The following C10orf62 variants were observed in gnomAD, a reference collection of about 807,000 sequenced individuals.
C10orf62 encodes the protein chromosome 10 open reading frame 62.
For missense variants in C10orf62, 279 were observed against 281.9 expected (o/e 0.99, Z 0.07); for synonymous variants, 94 against 109.7 (o/e 0.86, Z 0.89).
rs1410995494 is a variant in C10orf62 at position 97,590,164 on chromosome 10, G to T, written c.267G>T (p.Leu89=). Reference sequence around the variant, plus strand: ...GGCACGGAGAAGTGGGCTCCGCTCTGCACCGGGAATCCTTCACCAGCAGGC... The same window carrying T: ...GGCACGGAGAAGTGGGCTCCGCTCTTCACCGGGAATCCTTCACCAGCAGGC... ...TTRHGEVGSA[L]HRESFTSRQK... Residue 89 remains leucine, a synonymous_variant, in exon 1 of 1, where the codon CTG becomes CTT. Coordinates refer to ENST00000370640, the MANE Select transcript of C10orf62 (RefSeq NM_001009997.3). 1 of 1,613,956 alleles carries T rather than the reference G, an allele frequency of 6.2e-7. No homozygotes were observed. Among genetic ancestry groups the T allele is most frequent in the African/African-American group, 1.3e-5 (1 of 74,894 alleles).
chr10:97,590,018 C>T lies in C10orf62; in HGVS notation c.121C>T (p.Arg41Cys), dbSNP rs748519578. 67 of 1,614,048 alleles carry T rather than the reference C, an allele frequency of 4.2e-5. No homozygotes were observed. The highest frequency in any genetic ancestry group is 4.9e-5 in the Non-Finnish European group (58 of 1,180,030). The change falls in exon 1 of 1, where the codon CGC becomes TGC. Residue 41 changes from arginine to cysteine, a missense_variant. Arg to Cys is a radical substitution (Grantham distance 180, BLOSUM62 -3). Transcript: ENST00000370640. ...AAGCTGGATTAAATCCCACTTTAGCCGCCTTTCCGAAGAGAAGCTGGCCCT... is the reference window on the plus strand; with the variant it reads ...AAGCTGGATTAAATCCCACTTTAGCTGCCTTTCCGAAGAGAAGCTGGCCCT... ...NESWIKSHFS[R>C]LSEEKLALDN... is the part of the protein sequence containing the mutation.
chr10:97,589,854 A>C lies in C10orf62; in HGVS notation c.-44A>C, dbSNP rs369324110. On this transcript the variant is annotated 5_prime_UTR_variant, in exon 1 of 1. Transcript: ENST00000370640. ...GAGCTCATCCAGCAGCCATCATGCA[A>C]GGTGGTGCTGGGGACTGCCCTCTTG... The C allele has an allele frequency of 6.8e-7, 1 of 1,479,436 alleles. No individual in the cohort carries two copies. The highest frequency in any genetic ancestry group is 9.3e-7 in the Non-Finnish European group (1 of 1,069,756). 91.6% of individuals were successfully genotyped at this position (1,479,436 alleles called of 1,614,324 possible). A position where few individuals can be genotyped will look rare whatever the true frequency, so the allele number is the denominator to read the frequency against.
Position 97,590,000 on chromosome 10 carries a change from A to T in C10orf62, c.103A>T (p.Ile35Phe). The T allele has an allele frequency of 1.2e-6, 2 of 1,614,176 alleles. No homozygotes were observed. Among genetic ancestry groups the T allele is most frequent in the Non-Finnish European group, 1.7e-6 (2 of 1,180,028 alleles). Residue 35 changes from isoleucine to phenylalanine, a missense_variant, in exon 1 of 1, where the codon ATT becomes TTT. Ile to Phe is a conservative substitution (Grantham distance 21). Coordinates refer to ENST00000370640, the MANE Select transcript of C10orf62 (RefSeq NM_001009997.3). Reference sequence around the variant, plus strand: ...CCATAAAGCAAAGAATGAAAGCTGGATTAAATCCCACTTTAGCCGCCTTTC... The same window carrying T: ...CCATAAAGCAAAGAATGAAAGCTGGTTTAAATCCCACTTTAGCCGCCTTTC... Reference protein sequence around the residue: ...ESHKAKNESWIKSHFSRLSEE... With the variant: ...ESHKAKNESWFKSHFSRLSEE...
In C10orf62 at chr10:97,590,176, C is replaced by G. The variant is rs764976061; in HGVS notation, c.279C>G (p.Ser93=). The G allele has an allele frequency of 1.9e-6, 3 of 1,614,064 alleles. No homozygotes were observed. In the South Asian group the frequency reaches 3.3e-5, roughly 18 times the overall value. ...TGGGCTCCGCTCTGCACCGGGAATC[C>G]TTCACCAGCAGGCAGAAGACATCTG... ...GEVGSALHRE[S]FTSRQKTSGP... The change falls in exon 1 of 1, where the codon TCC becomes TCG. Residue 93 remains serine (S), a synonymous_variant. Coordinates refer to ENST00000370640, the MANE Select transcript of C10orf62 (RefSeq NM_001009997.3).
In C10orf62 at chr10:97,590,291, A is replaced by G. The variant is rs1233112133; in HGVS notation, c.394A>G (p.Lys132Glu). The G allele has an allele frequency of 2.9e-5, 46 of 1,613,666 alleles. No homozygotes were observed. Among genetic ancestry groups the G allele is most frequent in the Non-Finnish European group, 3.9e-5 (46 of 1,180,002 alleles). Residue 132 changes from lysine (K) to glutamate (E), a missense_variant, in exon 1 of 1, where the codon AAG (lysine) becomes GAG (glutamate). Physicochemically the swap from Lys to Glu is moderately conservative, Grantham distance 56. Coordinates refer to ENST00000370640, the MANE Select transcript of C10orf62 (RefSeq NM_001009997.3). ...ATWAAVAACT[K>E]EIDTQGRHLA... Reference sequence around the variant, plus strand: ...GTGGGCCGCTGTGGCTGCCTGCACCAAGGAGATTGACACCCAGGGGCGGCA... The same window carrying G: ...GTGGGCCGCTGTGGCTGCCTGCACCGAGGAGATTGACACCCAGGGGCGGCA...
chr10:97,590,373 A>G lies in C10orf62; in HGVS notation c.476A>G (p.Glu159Gly). ...GCTTACCAGCACTCAGGTCACCTAG[A>G]GTCCAAGGACATCAACCAGGAGGAG... is the stretch of plus-strand genomic sequence containing the variant. The part of the protein sequence containing the change: ...AIAYQHSGHL[E>G]SKDINQEELR... The change falls in exon 1 of 1, where the codon GAG becomes GGG. Residue 159 changes from glutamate to glycine, a missense_variant. Physicochemically the swap from Glu to Gly is moderately conservative, Grantham distance 98. Transcript: ENST00000370640. 6.2e-7 allele frequency: 1 copy of G among 1,614,130 alleles called. No individual in the cohort carries two copies. The highest frequency in any genetic ancestry group is 1.1e-5 in the South Asian group (1 of 91,080).
Position 97,590,633 on chromosome 10 carries a change from GCT to G in C10orf62, c.*66_*67del, listed in dbSNP as rs1205821048. The G allele has an allele frequency of 2.8e-5, 43 of 1,512,716 alleles. No homozygotes were observed. The highest frequency in any genetic ancestry group is 3.7e-5 in the Non-Finnish European group (41 of 1,104,338). 93.7% of individuals were successfully genotyped at this position (1,512,716 alleles called of 1,614,324 possible). A position where few individuals can be genotyped will look rare whatever the true frequency, so the allele number is the denominator to read the frequency against. On this transcript the variant is annotated 3_prime_UTR_variant, in exon 1 of 1. Coordinates refer to ENST00000370640, the MANE Select transcript of C10orf62 (RefSeq NM_001009997.3). The stretch of plus-strand genomic sequence containing the variant: ...GACGCCCCTGCCCCCAGCAAGGCTG[GCT>G]CACACACACGTCTGTTTTCTCTCCT...
At position 97,590,099 on chromosome 10, in the gene C10orf62, GAGGTC is replaced by G. The variant is rs1564755367; in HGVS notation, c.205_209del (p.Val69LeufsTer50). ...TACCCAGACTGAGAGTGGGAGTGAA[GAGGTC>G]AGCTCCACGGTTCACATAGAGACCT... On this transcript the variant is annotated frameshift_variant, in exon 1 of 1. Transcript: ENST00000370640. LOFTEE classifies it low-confidence loss of function (END_TRUNC). 6.2e-7 allele frequency: 1 copy of G among 1,614,152 alleles called. No homozygotes were observed. Among genetic ancestry groups the G allele is most frequent in the Non-Finnish European group, 8.5e-7 (1 of 1,180,026 alleles).
chr10:97,590,351 T>C lies in C10orf62; in HGVS notation c.454T>C (p.Tyr152His). Residue 152 changes from tyrosine to histidine, a missense_variant, in exon 1 of 1, where the codon TAC becomes CAC. Transcript: ENST00000370640. The part of the protein sequence containing the change: ...AHSMLQRAIA[Y>H]QHSGHLESKD... ...CTCCATGCTGCAGCGGGCCATAGCT[T>C]ACCAGCACTCAGGTCACCTAGAGTC... The C allele has an allele frequency of 6.2e-7, 1 of 1,613,982 alleles. No homozygotes were observed. The highest frequency in any genetic ancestry group is 8.5e-7 in the Non-Finnish European group (1 of 1,180,000).
In C10orf62 at chr10:97,589,894, T is replaced by C. The variant is rs762003725; in HGVS notation, c.-4T>C. On this transcript the variant is annotated 5_prime_UTR_variant, in exon 1 of 1. Transcript: ENST00000370640. ...CTGCCCTCTTGCTAGGAGGTGGAGG[T>C]CTCATGCTGTGGGTTCAGAGAAAGA... 1 of 1,609,200 alleles carries C rather than the reference T, an allele frequency of 6.2e-7. No individual in the cohort carries two copies. The highest frequency in any genetic ancestry group is 8.5e-7 in the Non-Finnish European group (1 of 1,176,632).
In C10orf62 at chr10:97,590,114, G is replaced by A. The variant is rs1446855247; in HGVS notation, c.217G>A (p.Val73Ile). ...ESGSEEVSST[V>I]HIETFTTRHG... ...TGGGAGTGAAGAGGTCAGCTCCACG[G>A]TTCACATAGAGACCTTCACCACGAG... Residue 73 changes from valine to isoleucine, a missense_variant, in exon 1 of 1, where the codon GTT (valine) becomes ATT (isoleucine). Physicochemically the swap from Val to Ile is conservative, Grantham distance 29. Transcript: ENST00000370640. 1 of 1,614,154 alleles carries A rather than the reference G, an allele frequency of 6.2e-7. No individual in the cohort carries two copies. The highest frequency in any genetic ancestry group is 8.5e-7 in the Non-Finnish European group (1 of 1,180,024).
rs571122786 is a variant in C10orf62 at position 97,590,611 on chromosome 10, G to T, written c.*42G>T. ...AAGCCACCTAACCATGGATGGAGAC[G>T]CCCCTGCCCCCAGCAAGGCTGGCTC... is the stretch of plus-strand genomic sequence containing the variant. On this transcript the variant is annotated 3_prime_UTR_variant, in exon 1 of 1. Coordinates refer to ENST00000370640, the MANE Select transcript of C10orf62 (RefSeq NM_001009997.3). 1.3e-6 allele frequency: 2 copies of T among 1,578,196 alleles called. No homozygotes were observed. The highest frequency in any genetic ancestry group is 1.3e-5 in the African/African-American group (1 of 74,132).
Position 97,590,056 on chromosome 10 carries a change from C to T in C10orf62, c.159C>T (p.Ala53=). 1 of 1,614,146 alleles carries T rather than the reference C, an allele frequency of 6.2e-7. No homozygotes were observed. The highest frequency in any genetic ancestry group is 8.5e-7 in the Non-Finnish European group (1 of 1,180,020). Residue 53 remains alanine (A), a synonymous_variant, in exon 1 of 1, where the codon GCC becomes GCT. Coordinates refer to ENST00000370640, the MANE Select transcript of C10orf62 (RefSeq NM_001009997.3). The part of the protein sequence containing the change: ...SEEKLALDNN[A]SASGNATQTE... ...AGAAGCTGGCCCTCGACAACAATGC[C>T]AGCGCTAGTGGCAATGCTACCCAGA...
rs1441693489 is a variant in C10orf62 at position 97,590,180 on chromosome 10, A to G, written c.283A>G (p.Thr95Ala). The change falls in exon 1 of 1, where the codon ACC (threonine) becomes GCC (alanine). Residue 95 changes from threonine (T) to alanine (A), a missense_variant. Transcript: ENST00000370640. ...VGSALHRESF[T>A]SRQKTSGPSV... Reference sequence around the variant, plus strand: ...CTCCGCTCTGCACCGGGAATCCTTCACCAGCAGGCAGAAGACATCTGGGCC... The same window carrying G: ...CTCCGCTCTGCACCGGGAATCCTTCGCCAGCAGGCAGAAGACATCTGGGCC... 1 of 1,613,950 alleles carries G rather than the reference A, an allele frequency of 6.2e-7. No individual in the cohort carries two copies.
At position 97,589,841 on chromosome 10, in the gene C10orf62, C is replaced by A. The variant is rs779224982; in HGVS notation, c.-57C>A. 1.9e-5 allele frequency: 26 copies of A among 1,383,264 alleles called. No homozygotes were observed. Among genetic ancestry groups the A allele is most frequent in the Non-Finnish European group, 2.5e-5 (25 of 989,096 alleles). The allele number at this position is 1,383,264 out of a possible 1,614,324, so 85.7% of individuals were successfully genotyped here. A position where few individuals can be genotyped will look rare whatever the true frequency, so the allele number is the denominator to read the frequency against. On this transcript the variant is annotated 5_prime_UTR_variant, in exon 1 of 1. Transcript: ENST00000370640. ...GGAGACCTTCTTGGAGCTCATCCAG[C>A]AGCCATCATGCAAGGTGGTGCTGGG...
In C10orf62 at chr10:97,590,740, C is replaced by T; in HGVS notation, c.*171C>T. ...TTAGGCTCCTCACGGGGATTATGGGCTCTTTAAACTCCATGAGTGGGGTCT... is the reference window on the plus strand; with the variant it reads ...TTAGGCTCCTCACGGGGATTATGGGTTCTTTAAACTCCATGAGTGGGGTCT... On this transcript the variant is annotated 3_prime_UTR_variant, in exon 1 of 1. Coordinates refer to ENST00000370640, the MANE Select transcript of C10orf62 (RefSeq NM_001009997.3). 1 of 652,812 alleles carries T rather than the reference C, an allele frequency of 1.5e-6. No individual in the cohort carries two copies. Among genetic ancestry groups the T allele is most frequent in the Non-Finnish European group, 2.7e-6 (1 of 372,308 alleles). The allele number at this position is 652,812 out of a possible 1,614,324, so 40.4% of individuals were successfully genotyped here. A position where few individuals can be genotyped will look rare whatever the true frequency, so the allele number is the denominator to read the frequency against.
rs560755279 is a variant in C10orf62 at position 97,589,780 on chromosome 10, C to G, written c.-118C>G. The stretch of plus-strand genomic sequence containing the variant: ...AATCATACCACCAGAGATCACCCAG[C>G]GTGCTCTTAGCTCTGCCTGCCTGGT... On this transcript the variant is annotated 5_prime_UTR_variant, in exon 1 of 1. Coordinates refer to ENST00000370640, the MANE Select transcript of C10orf62 (RefSeq NM_001009997.3). 5.4e-6 allele frequency: 4 copies of G among 745,342 alleles called. No individual in the cohort carries two copies. The highest frequency in any genetic ancestry group is 5.2e-5 in the South Asian group (3 of 58,198). 46.2% of individuals were successfully genotyped at this position (745,342 alleles called of 1,614,324 possible).
Position 97,590,020 on chromosome 10 carries a change from C to T in C10orf62, c.123C>T (p.Arg41=). ...GCTGGATTAAATCCCACTTTAGCCG[C>T]CTTTCCGAAGAGAAGCTGGCCCTCG... is the stretch of plus-strand genomic sequence containing the variant. ...NESWIKSHFS[R]LSEEKLALDN... Residue 41 remains arginine (R), a synonymous_variant, in exon 1 of 1, where the codon CGC becomes CGT. Coordinates refer to ENST00000370640, the MANE Select transcript of C10orf62 (RefSeq NM_001009997.3). The T allele has an allele frequency of 1.2e-6, 2 of 1,614,186 alleles. No individual in the cohort carries two copies. Among genetic ancestry groups the T allele is most frequent in the Non-Finnish European group, 1.7e-6 (2 of 1,180,026 alleles).
chr10:97,589,747 C>A lies in C10orf62; in HGVS notation c.-151C>A. On this transcript the variant is annotated 5_prime_UTR_variant, in exon 1 of 1. Coordinates refer to ENST00000370640, the MANE Select transcript of C10orf62 (RefSeq NM_001009997.3). ...GACATCCTTGGGGAGCCTGCCCTTTCAAGCATGAATCATACCACCAGAGAT... is the reference window on the plus strand; with the variant it reads ...GACATCCTTGGGGAGCCTGCCCTTTAAAGCATGAATCATACCACCAGAGAT... 1.5e-6 allele frequency: 1 copy of A among 677,696 alleles called. No individual in the cohort carries two copies. Among genetic ancestry groups the A allele is most frequent in the Non-Finnish European group, 2.6e-6 (1 of 386,476 alleles). 42.0% of individuals were successfully genotyped at this position (677,696 alleles called of 1,614,324 possible). A position where few individuals can be genotyped will look rare whatever the true frequency, so the allele number is the denominator to read the frequency against.
Sources: gnomAD v4.1 joint callset for allele counts on GRCh38, gnomAD v4.1.1 for gene constraint, MANE v1.5 for transcripts, NCBI Gene and HGNC (gene_info 2026-07-23, HGNC 2026-07-21) for gene names.